The following GNAI3 variants were observed in gnomAD, a reference collection of about 807,000 sequenced individuals.
GNAI3 encodes the protein guanine nucleotide-binding protein G(i) subunit alpha-3.
GNAI3 carries 12 observed loss-of-function variants against 41.8 expected under a neutral mutation model. The ratio of observed to expected loss-of-function variants is 0.29; its 90% CI spans 0.18 to 0.47. GNAI3 has a LOEUF of 0.47. GNAI3 is among the 20% of genes least tolerant of loss of function. The pLI, the probability that GNAI3 is intolerant of heterozygous loss-of-function variation, is 1.00. For missense variants in GNAI3, 360 were observed against 429.6 expected (o/e 0.84, Z 1.43); for synonymous variants, 132 against 146.5 (o/e 0.90, Z 0.71).
At position 109,594,023 on chromosome 1, in the gene GNAI3, A is replaced by G. The variant is rs1649234877; in HGVS notation, c.*1701A>G. The stretch of plus-strand genomic sequence containing the variant: ...TCAGTGCCTTTGTTGGTAGTTTTTA[A>G]CTTTTTTTGTGATTCTTTTTGGAAA... On this transcript the variant is annotated 3_prime_UTR_variant, in exon 9 of 9. Transcript: ENST00000369851. 1 of 152,616 alleles carries G rather than the reference A, an allele frequency of 6.6e-6. No homozygotes were observed. Among genetic ancestry groups the G allele is most frequent in the Admixed American group, 6.6e-5 (1 of 15,266 alleles). The allele number at this position is 152,616 out of a possible 1,614,324, so 9.5% of individuals were successfully genotyped here.
intron 1 of GNAI3, among the ~76,000 whole-genome samples, chr1:109,572,343 A>G (rs1298061468): frequency 2.0e-5 from 3 of 152,166 alleles, no homozygotes; most frequent in Admixed American, 6.5e-5. Context: ...CAGAAACTGG[A>G]GAGAGGAGAT....
At chr1:109,576,131 C>G (rs1457435493) in intron 3 of GNAI3, among the ~76,000 whole-genome samples, 1 of 151,464 alleles carries the variant, frequency 6.6e-6, no homozygotes, top group African/African-American at 2.4e-5. Context: ...TGTAACGGTA[C>G]GATTTTGGCT....
chr1:109,549,988 T>G (rs562027715), intron 1 of GNAI3, among the ~76,000 whole-genome samples: 1 of 152,340 alleles, frequency 6.6e-6, no homozygotes, highest in East Asian at 1.9e-4. Flanking sequence ...TTTCCATTAT[T>G]TTCCAATATT....
At chr1:109,586,679 T>C in intron 6 of GNAI3, 50 bp from the exon 7 acceptor site, 1 of 1,359,148 alleles carries the variant, frequency 7.4e-7, no homozygotes, top group Non-Finnish European at 1.0e-6. Context: ...ATTAACTTAA[T>C]CCACTTTTAC....
At chr1:109,568,643 GT>G (rs1475100622) in intron 1 of GNAI3, among the ~76,000 whole-genome samples, 1 of 152,104 alleles carries the variant, frequency 6.6e-6, no homozygotes, top group African/African-American at 2.4e-5. Flanking sequence ...GTCTAACAGT[GT>G]TGATGATTAT....
rs1414019108 is a variant in GNAI3 at position 109,592,270 on chromosome 1, A to G, written c.*22+15A>G. 3 of 1,402,530 alleles carry G rather than the reference A, an allele frequency of 2.1e-6. No individual in the cohort carries two copies. The highest frequency in any genetic ancestry group is 2.3e-5 in the East Asian group (1 of 43,752). The allele number at this position is 1,402,530 out of a possible 1,614,324, so 86.9% of individuals were successfully genotyped here. On this transcript the variant is annotated intron_variant, in intron 8 of 8. Transcript: ENST00000369851. ...GTTAGTGAAAGGTAAAGTTTCATAC[A>G]AGGTAGTTATAGTGCTACAGTGATG...
intron 7 of GNAI3, among the ~76,000 whole-genome samples, chr1:109,589,206 C>T (rs1405019715): frequency 6.6e-6 from 1 of 152,092 alleles, no homozygotes; most frequent in Non-Finnish European, 1.5e-5. Context: ...GAGAGAATAG[C>T]AGCCTCTATT....
At chr1:109,567,751 T>C (rs749748910) in intron 1 of GNAI3, among the ~76,000 whole-genome samples, 2 of 152,222 alleles carry the variant, frequency 1.3e-5, no homozygotes, top group Non-Finnish European at 2.9e-5. Context: ...TTCTCAACAT[T>C]GGAAATGGCA....
rs2101099158 is a variant in GNAI3, at chr1:109,571,319, A to C, written c.119-2418A>C. ...GATATATGAATCTGGAGCCAAGGTT[A>C]GAAGCCAAGATTAGAGATCTAAATT... On this transcript the variant is annotated intron_variant, in intron 1 of 8. Coordinates refer to ENST00000369851, the MANE Select transcript of GNAI3 (RefSeq NM_006496.4). Among the ~76,000 whole-genome samples the C allele has an allele frequency of 1.3e-5, 2 of 152,358 alleles. 1 individual carries two copies. The highest frequency in any genetic ancestry group is 6.8e-3 in the Middle Eastern group (2 of 294).
intron 3 of GNAI3, among the ~76,000 whole-genome samples, chr1:109,577,061 C>T (rs1474831841): frequency 6.8e-6 from 1 of 147,478 alleles, no homozygotes; most frequent in Non-Finnish European, 1.5e-5. Flanking sequence ...TATTTGAATA[C>T]GTGCATGGGT....
chr1:109,560,507 A>G (rs1374006357), intron 1 of GNAI3, among the ~76,000 whole-genome samples: 3 of 152,146 alleles, frequency 2.0e-5, no homozygotes, highest in Non-Finnish European at 4.4e-5. Context: ...CTGTAATCCC[A>G]GGACTTTGGG....
intron 1 of GNAI3, among the ~76,000 whole-genome samples, chr1:109,567,331 A>T (rs948420967): frequency 6.6e-6 from 1 of 152,180 alleles, no homozygotes; most frequent in Non-Finnish European, 1.5e-5. Context: ...AAGGAAGAGG[A>T]GATGTTTCAG....
In GNAI3 at chr1:109,596,943, C is replaced by T. The variant is rs1398459170; in HGVS notation, c.*4621C>T. On this transcript the variant is annotated 3_prime_UTR_variant, in exon 9 of 9. Coordinates refer to ENST00000369851, the MANE Select transcript of GNAI3 (RefSeq NM_006496.4). ...CTAATACAGGTTGAATAGCCCTTAT[C>T]CAAATCTCTTGGGACCAGAAGTGTT... The T allele has an allele frequency of 2.6e-5, 4 of 152,110 alleles. No homozygotes were observed. The highest frequency in any genetic ancestry group is 9.7e-5 in the African/African-American group (4 of 41,396). The allele number at this position is 152,110 out of a possible 1,614,324, so 9.4% of individuals were successfully genotyped here. A position where few individuals can be genotyped will look rare whatever the true frequency, so the allele number is the denominator to read the frequency against.
At chr1:109,590,520 C>T (rs541259603) in intron 7 of GNAI3, among the ~76,000 whole-genome samples, 19 of 152,172 alleles carry the variant, frequency 1.2e-4, no homozygotes, top group Non-Finnish European at 5.9e-5. Flanking sequence ...CTGCTTCAAG[C>T]ACCTACAAAG....
rs114757612 is a variant in GNAI3 at position 109,562,719 on chromosome 1, G to T, written c.119-11018G>T. Among the ~76,000 whole-genome samples, 1,436 of 152,154 alleles carry T rather than the reference G, an allele frequency of 9.4e-3. 22 individuals carry two copies. The highest frequency in any genetic ancestry group is 0.033 in the African/African-American group (1,368 of 41,502). On this transcript the variant is annotated intron_variant, in intron 1 of 8. Transcript: ENST00000369851. The stretch of plus-strand genomic sequence containing the variant: ...TTAAAAGTGTAGTTTGATTTACATT[G>T]GATTAAATACACCTGTAGAAACGTG...
intron 1 of GNAI3, among the ~76,000 whole-genome samples, chr1:109,570,853 T>A (rs969867859): frequency 3.3e-5 from 5 of 152,174 alleles, no homozygotes; most frequent in African/African-American, 9.7e-5. Context: ...AAGATCTAAT[T>A]TACATTTTAC....
intron 7 of GNAI3, chr1:109,591,396 C>A: frequency 1.9e-6 from 1 of 525,234 alleles, no homozygotes; most frequent in South Asian, 2.2e-5. Context: ...AATGAATGTT[C>A]ATATTGGAAA....
intron 7 of GNAI3, among the ~76,000 whole-genome samples, chr1:109,589,157 A>G (rs1294508086): frequency 1.3e-5 from 2 of 152,226 alleles, no homozygotes; most frequent in African/African-American, 2.4e-5. Context: ...TGGAGATAAT[A>G]TTATAGAATG....
intron 1 of GNAI3, among the ~76,000 whole-genome samples, chr1:109,562,267 T>G (rs529904382): frequency 1.2e-4 from 19 of 152,278 alleles, no homozygotes; most frequent in Admixed American, 5.9e-4. Context: ...TTACATTTTA[T>G]TAGGTATTAT....
Sources: gnomAD v4.1 joint callset for allele counts (sites outside exome capture counted in the v4.1 genomes callset) on GRCh38, gnomAD v4.1.1 for gene constraint, MANE v1.5 for transcripts, NCBI Gene and HGNC (gene_info 2026-07-23, HGNC 2026-07-21) for gene names.